Variants in CYB5A observed in about 807,000 individuals in gnomAD.
CYB5A encodes the protein cytochrome b5 type A.
CYB5A carries 10 observed loss-of-function variants against 16.2 expected under a neutral mutation model. The observed-to-expected ratio is 0.62, with a 90% CI of 0.38 to 1.04. The LOEUF (loss-of-function observed/expected upper bound fraction) is 1.04, where lower values mean the gene tolerates loss of function less well. CYB5A is among the 50% of genes least tolerant of loss of function. The pLI, the probability that CYB5A is intolerant of heterozygous loss-of-function variation, is 0.01. For synonymous variants in CYB5A, 62 were observed against 57.0 expected (o/e 1.09, Z -0.40); for missense variants, 161 against 165.9 (o/e 0.97, Z 0.16).
intron 3 of CYB5A, chr18:74,256,838 ACCG>A (rs1469958493): frequency 2.5e-6 from 4 of 1,614,008 alleles, no homozygotes; most frequent in Non-Finnish European, 3.4e-6. Context: ...ACCTTGAAAC[ACCG>A]CCTTTAAGGT....
chr18:74,286,290 A>C (rs1223255278), intron 1 of CYB5A, among the ~76,000 whole-genome samples: 2 of 152,254 alleles, frequency 1.3e-5, no homozygotes, highest in African/African-American at 4.8e-5. Context: ...TTGTATGTTT[A>C]AAAGCTCCTG....
chr18:74,291,956 G>C lies in CYB5A; in HGVS notation c.-81C>G, dbSNP rs878970654. ...CGCGCGACTCAGCCAGCTCCACCCG[G>C]GACATTCCCCGCGCCGGGAACCCCA... is the stretch of plus-strand genomic sequence containing the variant. On this transcript the variant is annotated 5_prime_UTR_variant, in exon 1 of 5. Transcript: ENST00000340533. 14 of 1,596,778 alleles carry C rather than the reference G, an allele frequency of 8.8e-6. No homozygotes were observed. The South Asian group carries it at 9.9e-5, about 11-fold the overall frequency.
chr18:74,290,230 C>A (rs1482398748), intron 1 of CYB5A, among the ~76,000 whole-genome samples: 1 of 152,050 alleles, frequency 6.6e-6, no homozygotes, highest in Non-Finnish European at 1.5e-5. Flanking sequence ...ACATCAACTC[C>A]AGCCTTATTA....
chr18:74,278,434 A>T (rs536804332), intron 1 of CYB5A, among the ~76,000 whole-genome samples: 24 of 152,232 alleles, frequency 1.6e-4, no homozygotes, highest in African/African-American at 5.5e-4. Flanking sequence ...TCCCCATTTT[A>T]TATTGCCACA....
intron 1 of CYB5A, among the ~76,000 whole-genome samples, chr18:74,264,173 T>C (rs923311512): frequency 2.0e-5 from 3 of 148,834 alleles, no homozygotes; most frequent in Admixed American, 1.3e-4. Flanking sequence ...ATTGCGCCAC[T>C]GCACTCCAGC....
chr18:74,286,497 C>T (rs886818236), intron 1 of CYB5A, among the ~76,000 whole-genome samples: 3 of 152,086 alleles, frequency 2.0e-5, no homozygotes, highest in Admixed American at 1.3e-4. Flanking sequence ...ACTTAAATGC[C>T]TTCTCTACAT....
intron 1 of CYB5A, among the ~76,000 whole-genome samples, chr18:74,286,991 C>T (rs1438667487): frequency 2.0e-5 from 3 of 151,910 alleles, no homozygotes; most frequent in Admixed American, 2.0e-4. Flanking sequence ...AACAGGTTAC[C>T]AAAAAATATA....
chr18:74,253,937 G>C (rs1311727983), intron 4 of CYB5A, among the ~76,000 whole-genome samples: 1 of 152,200 alleles, frequency 6.6e-6, no homozygotes, highest in Non-Finnish European at 1.5e-5. Flanking sequence ...CCAGCACTTT[G>C]GGAGGCCAAG....
intron 1 of CYB5A, among the ~76,000 whole-genome samples, chr18:74,276,528 GCA>G (rs57747358): frequency 0.016 from 2,307 of 145,000 alleles, 42 homozygotes; most frequent in African/African-American, 0.045. Context: ...AAAAGATTCA[GCA>G]CACACACACA....
At chr18:74,262,233 T>C (rs1019330847) in intron 2 of CYB5A, among the ~76,000 whole-genome samples, 4 of 152,114 alleles carry the variant, frequency 2.6e-5, no homozygotes, top group Non-Finnish European at 5.9e-5. Context: ...GTAGGTGGAT[T>C]ACCTGAGGTC....
intron 1 of CYB5A, among the ~76,000 whole-genome samples, chr18:74,283,879 C>A (rs1214927799): frequency 2.6e-5 from 4 of 152,144 alleles, no homozygotes; most frequent in African/African-American, 9.7e-5. Flanking sequence ...CTAAGACATA[C>A]CGTCTTACCT....
intron 1 of CYB5A, among the ~76,000 whole-genome samples, chr18:74,274,798 A>C (rs138322378): frequency 6.6e-6 from 1 of 152,194 alleles, no homozygotes; most frequent in African/African-American, 2.4e-5. Flanking sequence ...GTTGCCCTTA[A>C]CTCCTAAATT....
At chr18:74,274,041 T>C (rs1214045056) in intron 1 of CYB5A, among the ~76,000 whole-genome samples, 1 of 152,272 alleles carries the variant, frequency 6.6e-6, no homozygotes, top group African/African-American at 2.4e-5. Flanking sequence ...ACTTCAGTAA[T>C]AAGTAACAGC....
chr18:74,276,838 G>A (rs8086252), intron 1 of CYB5A, among the ~76,000 whole-genome samples: 147,249 of 152,246 alleles, frequency 0.97, 71,378 homozygotes, highest in East Asian at 1. Flanking sequence ...GGCACAGTCT[G>A]TTTGGCAGCT....
chr18:74,275,902 G>A (rs142487894), intron 1 of CYB5A, among the ~76,000 whole-genome samples: 109 of 152,276 alleles, frequency 7.2e-4, no homozygotes, highest in Non-Finnish European at 1.1e-3. Flanking sequence ...CACACAGTAG[G>A]GTGGCCAGGG....
At chr18:74,272,957 G>A (rs1010245420) in intron 1 of CYB5A, among the ~76,000 whole-genome samples, 2 of 152,120 alleles carry the variant, frequency 1.3e-5, no homozygotes, top group Admixed American at 6.5e-5. Context: ...AGTGTTTTAT[G>A]GCTTTAGTCC....
At chr18:74,287,669 G>A (rs1047030502) in intron 1 of CYB5A, among the ~76,000 whole-genome samples, 5 of 152,316 alleles carry the variant, frequency 3.3e-5, no homozygotes, top group African/African-American at 4.8e-5. Flanking sequence ...ATGATGTAAA[G>A]GGAGAGGAGA....
intron 1 of CYB5A, among the ~76,000 whole-genome samples, chr18:74,281,522 T>C (rs147993556): frequency 6.6e-6 from 1 of 152,208 alleles, no homozygotes; most frequent in Non-Finnish European, 1.5e-5. Flanking sequence ...GGTGAGCATC[T>C]ATGTCAGAGT....
At chr18:74,269,286 T>C (rs1022282807) in intron 1 of CYB5A, among the ~76,000 whole-genome samples, 1 of 123,604 alleles carries the variant, frequency 8.1e-6, no homozygotes, top group African/African-American at 2.7e-5. Context: ...TTATTTGACT[T>C]CCAGGGGAAC....
Sources: gnomAD v4.1 joint callset for allele counts (sites outside exome capture counted in the v4.1 genomes callset) on GRCh38, gnomAD v4.1.1 for gene constraint, MANE v1.5 for transcripts, NCBI Gene and HGNC (gene_info 2026-07-23, HGNC 2026-07-21) for gene names.